Variants in C9orf57 observed in about 807,000 individuals in gnomAD.
C9orf57 encodes the protein uncharacterized protein C9orf57.
In C9orf57, 12 loss-of-function variants were observed where a neutral mutation model predicts 12.9. That is an observed-to-expected ratio of 0.93 (90% CI 0.60 to 1.51). The LOEUF is 1.51. Among genes scored for constraint, C9orf57 ranks in the 40% most tolerant of loss-of-function variants. The pLI is 0.00. For synonymous variants in C9orf57, 49 were observed against 57.1 expected, an observed-to-expected ratio of 0.86 and a Z score of 0.64; for missense variants, 141 against 162.8, an observed-to-expected ratio of 0.87 and a Z score of 0.73.
At position 72,055,380 on chromosome 9, in the gene C9orf57, CCTTCCTTCCTTCCT is replaced by C. The variant is rs1824172989; in HGVS notation, c.280+680_280+693del. ...TCCCTCCCTCCCTCCCTCCCTCCTT[CCTTCCTTCCTTCCT>C]TCCTTCCTTCCTTCCTTCCTTCCTT... is the stretch of plus-strand genomic sequence containing the variant. On this transcript the variant is annotated intron_variant, in intron 4 of 4. Transcript: ENST00000651200. Among the ~76,000 whole-genome samples the C allele has an allele frequency of 7.6e-3, 269 of 35,474 alleles. 17 individuals carry two copies. Among genetic ancestry groups the C allele is most frequent in the East Asian group, 0.022 (30 of 1,374 alleles). 23.3% of individuals were successfully genotyped at this position (35,474 alleles called of 152,430 possible). A position where few individuals can be genotyped will look rare whatever the true frequency, so the allele number is the denominator to read the frequency against.
At chr9:72,058,361 G>A (rs1223217783) in intron 2 of C9orf57, among the ~76,000 whole-genome samples, 1 of 152,012 alleles carries the variant, frequency 6.6e-6, no homozygotes, top group Non-Finnish European at 1.5e-5. Context: ...GGGTTTCACC[G>A]TGTTGCCCAG....
At chr9:72,060,340 C>T (rs1364148929) in intron 1 of C9orf57, among the ~76,000 whole-genome samples, 157 bp downstream of exon 1, 3 of 152,088 alleles carry the variant, frequency 2.0e-5, no homozygotes, top group African/African-American at 4.8e-5. Context: ...CCACCACGCC[C>T]GGCCTATGAA....
chr9:72,059,035 G>A (rs1181640224), intron 2 of C9orf57, among the ~76,000 whole-genome samples, 200 bp downstream of exon 2: 2 of 152,024 alleles, frequency 1.3e-5, no homozygotes, highest in African/African-American at 2.4e-5. Flanking sequence ...GCACCACCAC[G>A]CCCAGCTAAT....
intron 4 of C9orf57, among the ~76,000 whole-genome samples, chr9:72,054,250 G>A (rs1174712314): frequency 6.6e-6 from 1 of 152,198 alleles, no homozygotes; most frequent in African/African-American, 2.4e-5. Flanking sequence ...TGCCTGCCTT[G>A]GTTTCCCAAA....
chr9:72,057,302 T>G (rs1187363814), intron 2 of C9orf57, among the ~76,000 whole-genome samples: 1 of 152,144 alleles, frequency 6.6e-6, no homozygotes, highest in Non-Finnish European at 1.5e-5. Context: ...CTCGGCTCAC[T>G]GCAACCTCCA....
In C9orf57 at chr9:72,059,355, G is replaced by A. The variant is rs773039630; in HGVS notation, c.-24C>T. ...ATTCTGATTTCCAAGCCGAAAAGGA[G>A]ATGAAAGGAAAGACACGTCCCACTG... On this transcript the variant is annotated 5_prime_UTR_variant, in exon 2 of 5. Transcript: ENST00000651200. The A allele has an allele frequency of 6.4e-7, 1 of 1,551,564 alleles. No individual in the cohort carries two copies.
chr9:72,057,545 A>G (rs1415594687), intron 2 of C9orf57, among the ~76,000 whole-genome samples: 1 of 152,118 alleles, frequency 6.6e-6, no homozygotes, highest in Non-Finnish European at 1.5e-5. Context: ...TTTTATTTTG[A>G]GAGTTTAATG....
chr9:72,056,969 G>A lies in C9orf57; in HGVS notation c.98-126C>T. 4 of 685,520 alleles carry A rather than the reference G, an allele frequency of 5.8e-6. No homozygotes were observed. The South Asian group carries it at 7.9e-5, about 14-fold the overall frequency. The allele number at this position is 685,520 out of a possible 1,614,324, so 42.5% of individuals were successfully genotyped here. On this transcript the variant is annotated intron_variant, in intron 2 of 4. Coordinates refer to ENST00000651200, the MANE Select transcript of C9orf57 (RefSeq NM_001128618.2). ...CTGTTACCCAGGCTGGAGTGCAGTG[G>A]CACAATCTCGGCTCACTGCAACCTC...
Position 72,060,611 on chromosome 9 carries a change from T to G in C9orf57, c.-168A>C. 6.1e-6 allele frequency: 9 copies of G among 1,469,674 alleles called. No individual in the cohort carries two copies. The South Asian group carries it at 7.6e-5, about 12-fold the overall frequency. 91.0% of individuals were successfully genotyped at this position (1,469,674 alleles called of 1,614,324 possible). A position where few individuals can be genotyped will look rare whatever the true frequency, so the allele number is the denominator to read the frequency against. On this transcript the variant is annotated 5_prime_UTR_variant, in exon 1 of 5. Coordinates refer to ENST00000651200, the MANE Select transcript of C9orf57 (RefSeq NM_001128618.2). Reference sequence around the variant, plus strand: ...AGTCCGTTACAACTGAAAGCGACACTCTGATCCACTAGATTCCAAACAGTT... The same window carrying G: ...AGTCCGTTACAACTGAAAGCGACACGCTGATCCACTAGATTCCAAACAGTT...
rs778505159 is a variant in C9orf57 at position 72,060,131 on chromosome 9, C to T, written c.-54+366G>A. Among the ~76,000 whole-genome samples, 66 of 152,276 alleles carry T rather than the reference C, an allele frequency of 4.3e-4. 1 individual carries two copies. Among genetic ancestry groups the T allele is most frequent in the Non-Finnish European group, 4.9e-4 (33 of 68,032 alleles). On this transcript the variant is annotated intron_variant, in intron 1 of 4. Coordinates refer to ENST00000651200, the MANE Select transcript of C9orf57 (RefSeq NM_001128618.2). ...GCGTGATCTCAGCTCACTGCAACTT[C>T]GGCCTCCCCGGTTCAAGCGATTTTC...
intron 3 of C9orf57, among the ~76,000 whole-genome samples, 198 bp from the exon 4 acceptor site, chr9:72,056,394 A>G (rs1327784990): frequency 6.6e-6 from 1 of 150,732 alleles, no homozygotes; most frequent in African/African-American, 2.4e-5. Flanking sequence ...GGCCAGTTTC[A>G]CAGGCATGCA....
rs1824077819 is a variant in C9orf57, at chr9:72,051,383, G to A, written c.*913C>T. 6.6e-6 allele frequency: 1 copy of A among 152,072 alleles called. No homozygotes were observed. Among genetic ancestry groups the A allele is most frequent in the Non-Finnish European group, 1.5e-5 (1 of 68,018 alleles). 9.4% of individuals were successfully genotyped at this position (152,072 alleles called of 1,614,324 possible). On this transcript the variant is annotated 3_prime_UTR_variant, in exon 5 of 5. Coordinates refer to ENST00000651200, the MANE Select transcript of C9orf57 (RefSeq NM_001128618.2). ...AGAAAAAGACAGACAAGATTTTATT[G>A]ACATTTATTATTTATTTTTTGAATT...
Position 72,052,333 on chromosome 9 carries a change from G to A in C9orf57, c.383C>T (p.Thr128Ile). 1.9e-6 allele frequency: 3 copies of A among 1,551,854 alleles called. No individual in the cohort carries two copies. Among genetic ancestry groups the A allele is most frequent in the Non-Finnish European group, 2.6e-6 (3 of 1,147,010 alleles). ...KRILQLHELV[T>I]THCCNHSLCN... is the part of the protein sequence containing the mutation. ...CAAAGAATGATTGCAGCAGTGAGTA[G>A]TTACAAGTTCATGCAGTTGCAGAAT... The change falls in exon 5 of 5, where the codon ACT becomes ATT. Residue 128 changes from threonine (T) to isoleucine (I), a missense_variant. Physicochemically the swap from Thr to Ile is moderately conservative, Grantham distance 89. Transcript: ENST00000651200.
intron 4 of C9orf57, among the ~76,000 whole-genome samples, chr9:72,053,475 T>A (rs1397834442): frequency 6.6e-6 from 1 of 152,182 alleles, no homozygotes; most frequent in East Asian, 1.9e-4. Flanking sequence ...TTCTTATACA[T>A]AGAGTATTTT....
chr9:72,059,499 G>A, intron 1 of C9orf57, 115 bp from the exon 2 acceptor site: 1 of 1,235,188 alleles, frequency 8.1e-7, no homozygotes, highest in Admixed American at 2.7e-5. Flanking sequence ...TGTGAAGGAG[G>A]AAAAATAAGG....
intron 4 of C9orf57, among the ~76,000 whole-genome samples, chr9:72,054,638 A>G (rs1032034911): frequency 3.9e-5 from 6 of 152,172 alleles, no homozygotes; most frequent in African/African-American, 1.4e-4. Context: ...AAGGTTGAGT[A>G]GGCTTTTATA....
intron 2 of C9orf57, among the ~76,000 whole-genome samples, chr9:72,059,034 C>T (rs1362107298): frequency 6.6e-6 from 1 of 152,126 alleles, no homozygotes; most frequent in Non-Finnish European, 1.5e-5. Context: ...TGCACCACCA[C>T]GCCCAGCTAA....
chr9:72,056,265 G>A lies in C9orf57; in HGVS notation c.158-69C>T. On this transcript the variant is annotated intron_variant, in intron 3 of 4. Coordinates refer to ENST00000651200, the MANE Select transcript of C9orf57 (RefSeq NM_001128618.2). ...CGAGAGAGAAAACGAGGAAGGAAGAGAGATCAAAAAAATAAAGTAGTGATT... is the reference window on the plus strand; with the variant it reads ...CGAGAGAGAAAACGAGGAAGGAAGAAAGATCAAAAAAATAAAGTAGTGATT... 4 of 1,315,126 alleles carry A rather than the reference G, an allele frequency of 3.0e-6. No individual in the cohort carries two copies. The Admixed American group carries it at 8.0e-5, about 26-fold the overall frequency. 81.5% of individuals were successfully genotyped at this position (1,315,126 alleles called of 1,614,324 possible).
chr9:72,059,757 G>T (rs977385857), intron 1 of C9orf57, among the ~76,000 whole-genome samples: 4 of 152,136 alleles, frequency 2.6e-5, no homozygotes, highest in East Asian at 3.9e-4. Flanking sequence ...GGATGCAAAG[G>T]TTGCAGTGAG....
Sources: gnomAD v4.1 joint callset for allele counts (sites outside exome capture counted in the v4.1 genomes callset) on GRCh38, gnomAD v4.1.1 for gene constraint, MANE v1.5 for transcripts, NCBI Gene and HGNC (gene_info 2026-07-23, HGNC 2026-07-21) for gene names.